METTL8: variants seen among roughly 807,000 people sequenced by gnomAD.
The protein encoded by METTL8 is methyltransferase 8, tRNA N3-cytidine.
Under a neutral mutation model 48.7 loss-of-function variants are expected in METTL8, and 32 were observed. The ratio of observed to expected loss-of-function variants is 0.66; its 90% CI spans 0.50 to 0.88. METTL8 has a LOEUF of 0.88. Ranked by LOEUF, METTL8 falls within the 40% of genes least tolerant of loss-of-function variation. The pLI is 0.00. For missense variants in METTL8, 464 were observed against 474.4 expected (o/e 0.98, Z 0.20); for synonymous variants, 136 against 157.1 (o/e 0.87, Z 1.01).
At chr2:171,417,962 G>A (rs1233621760) in intron 1 of METTL8, among the ~76,000 whole-genome samples, 1 of 145,230 alleles carries the variant, frequency 6.9e-6, no homozygotes, top group African/African-American at 2.6e-5. Context: ...TTTTTTTTTT[G>A]AGATGGAGTC....
intron 1 of METTL8, among the ~76,000 whole-genome samples, chr2:171,413,886 T>C (rs1364857736): frequency 6.6e-6 from 1 of 152,138 alleles, no homozygotes; most frequent in Non-Finnish European, 1.5e-5. Flanking sequence ...GGCACTGAAC[T>C]GAGAGACCTT....
At chr2:171,367,117 T>C (rs1259465571) in intron 2 of METTL8, among the ~76,000 whole-genome samples, 1 of 151,372 alleles carries the variant, frequency 6.6e-6, no homozygotes, top group Non-Finnish European at 1.5e-5. Flanking sequence ...GAGTTAAAAA[T>C]AATAATAAAG....
At chr2:171,398,551 G>A (rs1321875486) in intron 1 of METTL8, among the ~76,000 whole-genome samples, 1 of 152,048 alleles carries the variant, frequency 6.6e-6, no homozygotes, top group Admixed American at 6.6e-5. Flanking sequence ...AGGGGCGAGA[G>A]GAAACGGGGA....
At chr2:171,369,168 T>C (rs1487479898) in intron 2 of METTL8, among the ~76,000 whole-genome samples, 3 of 151,624 alleles carry the variant, frequency 2.0e-5, no homozygotes, top group African/African-American at 4.8e-5. Flanking sequence ...TAGCCGGGCA[T>C]GGTGGCAGTC....
chr2:171,404,506 G>C (rs1395942439), intron 1 of METTL8, among the ~76,000 whole-genome samples: 2 of 152,128 alleles, frequency 1.3e-5, no homozygotes, highest in Non-Finnish European at 2.9e-5. Flanking sequence ...GAGTGAGATG[G>C]TGTGACACTT....
intron 1 of METTL8, among the ~76,000 whole-genome samples, chr2:171,425,211 G>C (rs758075783): frequency 6.6e-5 from 10 of 152,102 alleles, no homozygotes; most frequent in Non-Finnish European, 1.3e-4. Context: ...CCCAGTCTCA[G>C]GTATGTCTTT....
chr2:171,395,375 A>G (rs1688957077), intron 1 of METTL8, among the ~76,000 whole-genome samples: 1 of 152,230 alleles, frequency 6.6e-6, no homozygotes, highest in Admixed American at 6.5e-5. Context: ...AATACTTACA[A>G]TAAATATAAA....
chr2:171,353,063 G>A (rs1326233910), intron 3 of METTL8, among the ~76,000 whole-genome samples: 2 of 151,978 alleles, frequency 1.3e-5, no homozygotes, highest in African/African-American at 4.8e-5. Flanking sequence ...GTGATGTTAG[G>A]GTGTCAATTT....
intron 5 of METTL8, chr2:171,332,735 C>T (rs1685668852): frequency 6.6e-6 from 1 of 152,074 alleles, no homozygotes; most frequent in Admixed American, 6.6e-5. Context: ...TAGTTGGGGA[C>T]ATAATTGGTT....
Position 171,340,261 on chromosome 2 carries a change from G to C in METTL8, c.236-707C>G, listed in dbSNP as rs186857419. ...CTCATACCTGTAATCCCAGCACTTT[G>C]GGAGGATGAGGCAGATGGACACTTG... On this transcript the variant is annotated intron_variant, in intron 3 of 9. Coordinates refer to ENST00000375258, the MANE Select transcript of METTL8 (RefSeq NM_001321154.2). Among the ~76,000 whole-genome samples, 40 of 150,748 alleles carry C rather than the reference G, an allele frequency of 2.7e-4. No homozygotes were observed. In the Middle Eastern group the frequency reaches 0.011, roughly 41 times the overall value.
chr2:171,382,788 C>G (rs1156403109), intron 2 of METTL8, among the ~76,000 whole-genome samples: 1 of 151,940 alleles, frequency 6.6e-6, no homozygotes, highest in Non-Finnish European at 1.5e-5. Flanking sequence ...AAACACACAT[C>G]TGGGCCAGAC....
In METTL8 at chr2:171,323,014, G is replaced by A. The variant is rs896529467; in HGVS notation, c.*1158C>T. The A allele has an allele frequency of 6.6e-6, 1 of 152,090 alleles. No homozygotes were observed. The highest frequency in any genetic ancestry group is 1.5e-5 in the Non-Finnish European group (1 of 68,042). The allele number at this position is 152,090 out of a possible 1,614,324, so 9.4% of individuals were successfully genotyped here. A position where few individuals can be genotyped will look rare whatever the true frequency, so the allele number is the denominator to read the frequency against. ...TGCCATCTTGGTTTTGGTGGCATTT[G>A]GCCGGCTTCTTCACTGCAACCTGTT... is the stretch of plus-strand genomic sequence containing the variant. On this transcript the variant is annotated 3_prime_UTR_variant, in exon 10 of 10. Coordinates refer to ENST00000375258, the MANE Select transcript of METTL8 (RefSeq NM_001321154.2).
At chr2:171,330,399 C>G (rs563460854) in intron 7 of METTL8, among the ~76,000 whole-genome samples, 160 bp downstream of exon 7, 12 of 152,120 alleles carry the variant, frequency 7.9e-5, no homozygotes, top group Admixed American at 7.2e-4. Context: ...TCTAAAAGTA[C>G]GAAGAAAGGA....
intron 1 of METTL8, among the ~76,000 whole-genome samples, chr2:171,404,100 T>TATATATATATATATATATATATATATA (rs71013040): frequency 8.2e-6 from 1 of 121,504 alleles, no homozygotes; most frequent in Admixed American, 8.7e-5. Context: ...TATATATATA[T>TATATATATATATATATATATATATATA]GATAGTTTAA....
chr2:171,417,023 A>C (rs1473738547), intron 1 of METTL8, among the ~76,000 whole-genome samples: 1 of 152,256 alleles, frequency 6.6e-6, no homozygotes, highest in East Asian at 1.9e-4. Context: ...TTTGCATTGC[A>C]GGCAGTGCTT....
chr2:171,328,070 A>G (rs2105390697), intron 7 of METTL8, among the ~76,000 whole-genome samples: 1 of 152,266 alleles, frequency 6.6e-6, no homozygotes, highest in East Asian at 1.9e-4. Context: ...CTTGGTTCAT[A>G]GTGCAGTTCC....
At chr2:171,360,383 A>C (rs751932235) in intron 3 of METTL8, 39 bp downstream of exon 3, 6 of 1,570,606 alleles carry the variant, frequency 3.8e-6, no homozygotes, top group Non-Finnish European at 4.4e-6. Context: ...AAAGTCACTA[A>C]AGCTCTGGCT....
intron 1 of METTL8, among the ~76,000 whole-genome samples, chr2:171,395,244 T>A (rs1364424481): frequency 1.3e-5 from 2 of 151,954 alleles, no homozygotes; most frequent in Admixed American, 6.6e-5. Context: ...CACAAAGAGG[T>A]ACAGTTTAAA....
rs114539771 is a variant in METTL8 at position 171,345,529 on chromosome 2, A to T, written c.236-5975T>A. Among the ~76,000 whole-genome samples the T allele has an allele frequency of 6.6e-3, 1,010 of 152,354 alleles. 16 individuals carry two copies. The highest frequency in any genetic ancestry group is 0.023 in the African/African-American group (958 of 41,590). On this transcript the variant is annotated intron_variant, in intron 3 of 9. Transcript: ENST00000375258. The stretch of plus-strand genomic sequence containing the variant: ...AAAAGTATGTTTCTAAGAGCACTGC[A>T]TAAAATTTTAAACAAGCAAAGCCAA...
Sources: gnomAD v4.1 joint callset for allele counts (sites outside exome capture counted in the v4.1 genomes callset) on GRCh38, gnomAD v4.1.1 for gene constraint, MANE v1.5 for transcripts, NCBI Gene and HGNC (gene_info 2026-07-23, HGNC 2026-07-21) for gene names.